The following FHAD1 variants were observed in gnomAD, a reference collection of about 807,000 sequenced individuals.
FHAD1 encodes the protein forkhead associated phosphopeptide binding domain 1, also known as forkhead-associated domain-containing protein 1.
Under a neutral mutation model 191.3 loss-of-function variants are expected in FHAD1, and 146 were observed. That is an observed-to-expected ratio of 0.76 (90% CI 0.67 to 0.88). FHAD1 has a LOEUF of 0.88. FHAD1 is among the 40% of genes least tolerant of loss of function. FHAD1 has a pLI of 0.00. For missense variants in FHAD1, 1,635 were observed against 1,785.8 expected (o/e 0.92, Z 1.52); for synonymous variants, 616 against 672.3 (o/e 0.92, Z 1.29).
intron 18 of FHAD1, 115 bp from the exon 19 acceptor site, chr1:15,348,927 G>T (rs780510859): frequency 4.2e-6 from 3 of 713,126 alleles, no homozygotes; most frequent in East Asian, 5.6e-5. Context: ...TTTAATAGCC[G>T]CCCCAACACT....
chr1:15,328,049 A>G (rs11589809), intron 12 of FHAD1: 9,789 of 234,730 alleles, frequency 0.042, 1,091 homozygotes, highest in African/African-American at 0.26. Context: ...AAAAAAAAAG[A>G]AAAGAAAAAA....
intron 14 of FHAD1, chr1:15,334,260 CT>C (rs886578837): frequency 6.6e-6 from 1 of 151,692 alleles, no homozygotes; most frequent in Non-Finnish European, 1.5e-5. Flanking sequence ...CTATGACCCC[CT>C]GCCCCTTCAC....
At chr1:15,308,489 C>G (rs1671236116) in intron 6 of FHAD1, 124 bp from the exon 7 acceptor site, 5 of 1,348,072 alleles carry the variant, frequency 3.7e-6, no homozygotes, top group Non-Finnish European at 4.0e-6. Context: ...AACTAAAAAG[C>G]TTGGTTTCCC....
chr1:15,289,327 G>A lies in FHAD1; in HGVS notation c.301-72G>A. ...AACCAAGACCTTGGGCAGCAATGCT[G>A]TGGCTGGGACAAAGAAATGGAGACC... On this transcript the variant is annotated intron_variant, in intron 3 of 33. Transcript: ENST00000688493. This position sits in a 1 kb window ranked among gnomAD's most constrained non-coding sequence, Gnocchi z 4.2. The A allele has an allele frequency of 6.7e-6, 10 of 1,501,658 alleles. No individual in the cohort carries two copies. Among genetic ancestry groups the A allele is most frequent in the Non-Finnish European group, 8.9e-6 (10 of 1,119,142 alleles). The allele number at this position is 1,501,658 out of a possible 1,614,324, so 93.0% of individuals were successfully genotyped here.
intron 10 of FHAD1, among the ~76,000 whole-genome samples, chr1:15,324,109 G>T (rs1677354868): frequency 6.6e-6 from 1 of 152,190 alleles, no homozygotes; most frequent in Admixed American, 6.5e-5. Context: ...ACTCTGCGAA[G>T]AGGGAACTAG....
intron 19 of FHAD1, among the ~76,000 whole-genome samples, chr1:15,350,280 A>G (rs957729085): frequency 3.3e-5 from 5 of 152,230 alleles, no homozygotes; most frequent in Non-Finnish European, 7.3e-5. Context: ...CAGCCTGCGG[A>G]AGCAGGGGCG....
At chr1:15,387,686 A>C (rs1361434081) in intron 31 of FHAD1, among the ~76,000 whole-genome samples, 1 of 152,022 alleles carries the variant, frequency 6.6e-6, no homozygotes, top group African/African-American at 2.4e-5. Context: ...TGAGTTGGTG[A>C]CCAGCCTGGC....
intron 6 of FHAD1, among the ~76,000 whole-genome samples, chr1:15,306,174 A>T (rs967322801): frequency 6.6e-6 from 1 of 152,204 alleles, no homozygotes; most frequent in African/African-American, 2.4e-5. Flanking sequence ...GTTATGTTTT[A>T]GCAAAGAGAA....
intron 3 of FHAD1, chr1:15,286,982 G>A (rs536364): frequency 0.57 from 86,897 of 152,094 alleles, 24,794 homozygotes; most frequent in East Asian, 0.67. Context: ...GAGTTTGCCC[G>A]CTGTCATCTT....
At chr1:15,336,018 T>C (rs990334049) in intron 14 of FHAD1, among the ~76,000 whole-genome samples, 1 of 152,120 alleles carries the variant, frequency 6.6e-6, no homozygotes, top group Non-Finnish European at 1.5e-5. Context: ...GCCAAGCCAA[T>C]GTCAGCCCGG....
chr1:15,326,917 T>C, intron 11 of FHAD1, 142 bp from the exon 12 acceptor site: 1 of 602,466 alleles, frequency 1.7e-6, no homozygotes, highest in East Asian at 2.8e-5. Flanking sequence ...CCGTGAGCGG[T>C]GAAGATTCTG....
intron 21 of FHAD1, 141 bp downstream of exon 21, chr1:15,358,424 G>C (rs1356586453): frequency 3.8e-6 from 3 of 787,124 alleles, no homozygotes; most frequent in Non-Finnish European, 6.0e-6. Flanking sequence ...TCCTGTCAGG[G>C]GCTGTCCTGA....
intron 23 of FHAD1, 114 bp downstream of exon 23, chr1:15,362,840 C>G: frequency 1.3e-6 from 1 of 776,978 alleles, no homozygotes; most frequent in Non-Finnish European, 2.2e-6. Flanking sequence ...AAACAAGGAG[C>G]CGGGCCTGCT....
intron 21 of FHAD1, 38 bp from the exon 22 acceptor site, chr1:15,360,440 G>A (rs1478073634): frequency 3.3e-6 from 5 of 1,528,600 alleles, no homozygotes; most frequent in Non-Finnish European, 4.4e-6. Context: ...GTCATACACA[G>A]CTCCCAAGAC....
At chr1:15,345,019 C>A in intron 16 of FHAD1, 64 bp from the exon 17 acceptor site, 1 of 1,289,712 alleles carries the variant, frequency 7.8e-7, no homozygotes, top group Non-Finnish European at 1.1e-6. Context: ...CATGCAGTGC[C>A]TGGCAGCGTC....
At chr1:15,339,273 A>G (rs147818457) in intron 14 of FHAD1, among the ~76,000 whole-genome samples, 3,004 of 152,248 alleles carry the variant, frequency 0.02, 109 homozygotes, top group African/African-American at 0.068. Flanking sequence ...TGCCCATCTC[A>G]GCCTCCCAAA....
chr1:15,288,140 C>A (rs1663162586), intron 3 of FHAD1, among the ~76,000 whole-genome samples: 1 of 152,212 alleles, frequency 6.6e-6, no homozygotes. Context: ...TCCACCACTG[C>A]CTGTGCTGGG....
chr1:15,360,407 C>T (rs1392430875), intron 21 of FHAD1, 71 bp from the exon 22 acceptor site: 2 of 1,369,542 alleles, frequency 1.5e-6, no homozygotes, highest in Non-Finnish European at 2.0e-6. Flanking sequence ...ATGTGTGTGC[C>T]CAGGGGGCAT....
intron 22 of FHAD1, 50 bp downstream of exon 22, chr1:15,360,753 G>C: frequency 4.8e-6 from 7 of 1,466,126 alleles, no homozygotes; most frequent in Non-Finnish European, 6.5e-6. Flanking sequence ...GGCAGGTTCT[G>C]ATTGTCCGCT....
Sources: gnomAD v4.1 joint callset for allele counts (sites outside exome capture counted in the v4.1 genomes callset) on GRCh38, gnomAD v4.1.1 for gene constraint, Gnocchi (gnomAD v3.1) non-coding constraint, MANE v1.5 for transcripts, NCBI Gene and HGNC (gene_info 2026-07-23, HGNC 2026-07-21) for gene names.